Variants in LRCH1 observed in about 807,000 individuals in gnomAD.
LRCH1 encodes the protein leucine-rich repeat and calponin homology domain-containing protein 1.
In LRCH1, 23 loss-of-function variants were observed where a neutral mutation model predicts 94.9. The observed-to-expected ratio is 0.24, with a 90% CI of 0.17 to 0.34. LRCH1 has a LOEUF of 0.34. Among genes scored for constraint, LRCH1 ranks in the 10% least tolerant of loss-of-function variants. LRCH1 has a pLI of 1.00. For missense variants in LRCH1, 790 were observed against 945.9 expected (o/e 0.84, Z 2.16); for synonymous variants, 364 against 354.9 (o/e 1.03, Z -0.29).
intron 8 of LRCH1, among the ~76,000 whole-genome samples, chr13:46,693,929 T>TTTGC (rs34806060): frequency 4.0e-5 from 6 of 151,804 alleles, no homozygotes; most frequent in Non-Finnish European, 7.4e-5. Flanking sequence ...AGGAGAGCTG[T>TTTGC]TTAAGTTCAC....
At chr13:46,588,953 G>A (rs2050466812) in intron 1 of LRCH1, among the ~76,000 whole-genome samples, 2 of 151,778 alleles carry the variant, frequency 1.3e-5, no homozygotes, top group South Asian at 2.1e-4. Flanking sequence ...GAAGGTATGC[G>A]GATGTGTGTA....
At chr13:46,593,624 C>T (rs1358538078) in intron 1 of LRCH1, among the ~76,000 whole-genome samples, 2 of 152,096 alleles carry the variant, frequency 1.3e-5, no homozygotes, top group Non-Finnish European at 2.9e-5. Context: ...GCCTAGTTAA[C>T]CGTGGGCAGG....
intron 13 of LRCH1, among the ~76,000 whole-genome samples, chr13:46,708,276 CTTTTTTTTT>C (rs10635302): frequency 7.7e-6 from 1 of 130,506 alleles, no homozygotes; most frequent in Admixed American, 8.0e-5. Flanking sequence ...TTCATCCCAT[CTTTTTTTTT>C]TTTTTTTTTG....
intron 1 of LRCH1, among the ~76,000 whole-genome samples, chr13:46,583,717 A>G (rs1194590957): frequency 6.6e-6 from 1 of 151,302 alleles, no homozygotes; most frequent in Non-Finnish European, 1.5e-5. Flanking sequence ...GTAATCATTT[A>G]TTTGTGTTTA....
intron 1 of LRCH1, among the ~76,000 whole-genome samples, chr13:46,635,591 C>A (rs911001769): frequency 1.3e-5 from 2 of 151,552 alleles, no homozygotes; most frequent in African/African-American, 4.9e-5. Flanking sequence ...CTGCCTCAGC[C>A]TCCCGAGTAG....
intron 4 of LRCH1, among the ~76,000 whole-genome samples, chr13:46,684,246 C>CTTTT (rs10641089): frequency 2.0e-5 from 3 of 149,488 alleles, no homozygotes; most frequent in African/African-American, 4.9e-5. Context: ...CTCTACTCCA[C>CTTTT]TTTTTTTTTT....
intron 1 of LRCH1, among the ~76,000 whole-genome samples, chr13:46,601,476 G>A (rs1257995751): frequency 6.6e-6 from 1 of 152,162 alleles, no homozygotes; most frequent in Non-Finnish European, 1.5e-5. Context: ...AGAGGAGAAT[G>A]ACTAGTCATT....
At chr13:46,717,161 G>C (rs79042815) in intron 16 of LRCH1, among the ~76,000 whole-genome samples, 1,767 of 152,180 alleles carry the variant, frequency 0.012, 21 homozygotes, top group African/African-American at 0.04. Flanking sequence ...TGAGCTGCCT[G>C]GGTCACACTG....
At chr13:46,653,406 T>A (rs1435023664) in intron 2 of LRCH1, among the ~76,000 whole-genome samples, 3 of 152,208 alleles carry the variant, frequency 2.0e-5, no homozygotes, top group Non-Finnish European at 4.4e-5. Context: ...ACAGAGGTAT[T>A]GTATAAAGAT....
intron 2 of LRCH1, among the ~76,000 whole-genome samples, chr13:46,665,944 A>G (rs1356546464): frequency 6.6e-6 from 1 of 152,168 alleles, no homozygotes; most frequent in East Asian, 1.9e-4. Flanking sequence ...TCCTGTCTAA[A>G]TATTTGCTGG....
At chr13:46,613,244 G>C (rs1305373742) in intron 1 of LRCH1, among the ~76,000 whole-genome samples, 1 of 152,068 alleles carries the variant, frequency 6.6e-6, no homozygotes, top group African/African-American at 2.4e-5. Context: ...ACAAAAATTA[G>C]CCGAGCGTGG....
At chr13:46,711,702 G>T (rs1332067803) in intron 13 of LRCH1, 89 bp from the exon 14 acceptor site, 11 of 911,890 alleles carry the variant, frequency 1.2e-5, no homozygotes, top group Non-Finnish European at 1.9e-5. Flanking sequence ...ATGGACCGGG[G>T]ACATGATGGC....
At chr13:46,690,377 C>G (rs1214038137) in intron 7 of LRCH1, among the ~76,000 whole-genome samples, 1 of 152,140 alleles carries the variant, frequency 6.6e-6, no homozygotes, top group Admixed American at 6.5e-5. Context: ...TCTTCAACTC[C>G]TAAGTCCTCG....
At chr13:46,750,663 T>G (rs1593395156) in exon 19 of LRCH1, 1 of 1,510,838 alleles carries the variant, frequency 6.6e-7, no homozygotes, top group African/African-American at 1.4e-5. Context: ...CTACCCCTTC[T>G]CCATTGGGGG....
intron 1 of LRCH1, among the ~76,000 whole-genome samples, chr13:46,614,030 CATG>C (rs538839085): frequency 1.3e-5 from 2 of 151,546 alleles, no homozygotes; most frequent in Non-Finnish European, 2.9e-5. Context: ...AAGTATACAA[CATG>C]ATATTTGATA....
intron 2 of LRCH1, among the ~76,000 whole-genome samples, chr13:46,650,984 C>T (rs2051290154): frequency 6.6e-6 from 1 of 152,178 alleles, no homozygotes; most frequent in Admixed American, 6.5e-5. Flanking sequence ...ATTAATGCCC[C>T]TGAGTAGCTC....
chr13:46,670,458 G>T (rs531175513), intron 3 of LRCH1, among the ~76,000 whole-genome samples: 1 of 152,310 alleles, frequency 6.6e-6, no homozygotes, highest in Admixed American at 6.5e-5. Flanking sequence ...CCCAGGTAAA[G>T]CACCTAGCAA....
rs1031206541 is a variant in LRCH1 at position 46,670,523 on chromosome 13, T to C, written c.579+1367T>C. On this transcript the variant is annotated intron_variant, in intron 3 of 19. Transcript: ENST00000389797. ...TTCTAAGTGAGAGGCAGATCTGGTCTGATGTTCTCGCCGACTGAGTCTGCT... is the reference window on the plus strand; with the variant it reads ...TTCTAAGTGAGAGGCAGATCTGGTCCGATGTTCTCGCCGACTGAGTCTGCT... 3.3e-5 allele frequency among the ~76,000 whole-genome samples: 5 copies of C among 152,196 alleles called. No individual in the cohort carries two copies. In the East Asian group the frequency reaches 9.6e-4, roughly 29 times the overall value.
chr13:46,603,131 G>A (rs956435805), intron 1 of LRCH1, among the ~76,000 whole-genome samples: 1 of 152,018 alleles, frequency 6.6e-6, no homozygotes, highest in African/African-American at 2.4e-5. Flanking sequence ...GATCTAGGGA[G>A]GAGAAAGCTA....
Sources: allele counts gnomAD v4.1 joint callset (sites outside exome capture counted in the v4.1 genomes callset), GRCh38; gene constraint gnomAD v4.1.1; transcripts MANE v1.5; gene names NCBI Gene and HGNC (gene_info 2026-07-23, HGNC 2026-07-21).